The following TAF12 variants were observed in gnomAD, a reference collection of about 807,000 sequenced individuals.
TAF12 encodes the protein TATA-box binding protein associated factor 12, also known as transcription initiation factor TFIID subunit 12.
Under a neutral mutation model 20.8 loss-of-function variants are expected in TAF12, and 3 were observed. The ratio of observed to expected loss-of-function variants is 0.14; its 90% confidence interval spans 0.07 to 0.37. The LOEUF (loss-of-function observed/expected upper bound fraction) is 0.37, where lower values mean the gene tolerates loss of function less well. Among genes scored for constraint, TAF12 ranks in the 10% least tolerant of loss-of-function variants. The probability of loss-of-function intolerance (pLI) is 1.00; values close to 1 mark genes in which losing one functional copy is unlikely to be tolerated. For synonymous variants in TAF12, 69 were observed against 70.2 expected, an observed-to-expected ratio of 0.98 and a Z score of 0.09; for missense variants, 131 against 197.9, an observed-to-expected ratio of 0.66 and a Z score of 2.03.
chr1:28,646,858 C>T (rs1668203014), upstream of TAF12, among the ~76,000 whole-genome samples: 1 of 152,068 alleles, frequency 6.6e-6, no homozygotes. Context: ...GCCACCACAC[C>T]CGGCTAATTT....
At chr1:28,613,478 G>A in intron 3 of TAF12, 117 bp from the exon 4 acceptor site, 2 of 827,218 alleles carry the variant, frequency 2.4e-6, no homozygotes, top group Non-Finnish European at 3.7e-6. Context: ...GTAGAAGGCT[G>A]GAATCAGCAT....
chr1:28,613,504 G>A, intron 3 of TAF12, 143 bp from the exon 4 acceptor site: 1 of 657,066 alleles, frequency 1.5e-6, no homozygotes. Flanking sequence ...CTAAGGTGGG[G>A]AAGAGGAATG....
intron 1 of TAF12, among the ~76,000 whole-genome samples, chr1:28,626,228 C>G (rs1185095814): frequency 6.6e-6 from 1 of 151,158 alleles, no homozygotes; most frequent in African/African-American, 2.4e-5. Context: ...CCACCCGCCT[C>G]GGGCCTCCCA....
At chr1:28,615,603 C>CG (rs1667006661) in intron 3 of TAF12, among the ~76,000 whole-genome samples, 1 of 143,152 alleles carries the variant, frequency 7.0e-6, no homozygotes, top group Admixed American at 7.4e-5. Context: ...CACTTGAACC[C>CG]GGGAGGTGGA....
rs182215117 is a variant in TAF12, at chr1:28,641,257, G to A, written c.-85+1735C>T. Among the ~76,000 whole-genome samples, 562 of 152,054 alleles carry A rather than the reference G, an allele frequency of 3.7e-3. 5 individuals are homozygous for A. The highest frequency in any genetic ancestry group is 0.013 in the African/African-American group (535 of 41,474). On this transcript the variant is annotated intron_variant, in intron 1 of 5. Coordinates refer to ENST00000373824, the MANE Select transcript of TAF12 (RefSeq NM_005644.4). Reference sequence around the variant, plus strand: ...AGCACTTCGGGAGGCTGAGGCGGGCGGATCACTTGAGATCAGGAGTTCGAA... The same window carrying A: ...AGCACTTCGGGAGGCTGAGGCGGGCAGATCACTTGAGATCAGGAGTTCGAA...
At chr1:28,614,088 A>G (rs1666952325) in intron 3 of TAF12, among the ~76,000 whole-genome samples, 1 of 151,936 alleles carries the variant, frequency 6.6e-6, no homozygotes, top group Non-Finnish European at 1.5e-5. Context: ...AAATACAAAA[A>G]TTAGCTGGGC....
At chr1:28,625,592 A>T (rs1004127496) in intron 1 of TAF12, among the ~76,000 whole-genome samples, 7 of 139,476 alleles carry the variant, frequency 5.0e-5, no homozygotes, top group Admixed American at 3.1e-4. Flanking sequence ...CCCAGGTCGG[A>T]CTGCAGTGGC....
upstream of TAF12, among the ~76,000 whole-genome samples, chr1:28,643,756 G>A (rs1318728120): frequency 6.6e-6 from 1 of 152,130 alleles, no homozygotes; most frequent in Non-Finnish European, 1.5e-5. Flanking sequence ...TCGGCTGTCA[G>A]ATGCTTGGTG....
At chr1:28,630,003 A>T (rs1252926329) in intron 1 of TAF12, among the ~76,000 whole-genome samples, 1 of 152,128 alleles carries the variant, frequency 6.6e-6, no homozygotes, top group East Asian at 1.9e-4. Flanking sequence ...GCAGTGGTGC[A>T]ATCAGAGCTC....
chr1:28,644,047 T>C (rs2124399051), upstream of TAF12, among the ~76,000 whole-genome samples: 1 of 148,380 alleles, frequency 6.7e-6, no homozygotes, highest in Middle Eastern at 3.4e-3. Context: ...CGAGACTCTG[T>C]CTCAAAAAAA....
intron 1 of TAF12, among the ~76,000 whole-genome samples, chr1:28,642,288 C>G (rs550193893): frequency 9.8e-5 from 15 of 152,310 alleles, no homozygotes; most frequent in Admixed American, 2.0e-4. Context: ...TCCTTTATCT[C>G]TCTGGGTTCA....
intron 4 of TAF12, among the ~76,000 whole-genome samples, chr1:28,612,357 G>A (rs982720696): frequency 6.6e-6 from 1 of 151,538 alleles, no homozygotes; most frequent in African/African-American, 2.4e-5. Context: ...GGCTGAGGCA[G>A]GAGAATCGCT....
intron 5 of TAF12, 90 bp downstream of exon 5, chr1:28,605,282 G>A (rs2124289140): frequency 7.3e-7 from 1 of 1,361,856 alleles, no homozygotes; most frequent in South Asian, 1.2e-5. Context: ...AGGAAGCGAG[G>A]CCCCCTAGAA....
rs1396384724 is a variant in TAF12 at position 28,609,145 on chromosome 1, C to T, written c.362-3685G>A. 1.9e-4 allele frequency among the ~76,000 whole-genome samples: 27 copies of T among 143,948 alleles called. No homozygotes were observed. In the East Asian group the frequency reaches 2.4e-3, roughly 13 times the overall value. The allele number at this position is 143,948 out of a possible 152,430, so 94.4% of individuals were successfully genotyped here. On this transcript the variant is annotated intron_variant, in intron 4 of 5. Transcript: ENST00000373824. ...AGGCTGGAGTGCAATGGTGTGATCT[C>T]GGCTCACTGCAACCTCCGCCTCCTA...
At chr1:28,619,674 G>A (rs1342652763) in intron 2 of TAF12, among the ~76,000 whole-genome samples, 1 of 144,858 alleles carries the variant, frequency 6.9e-6, no homozygotes, top group Non-Finnish European at 1.5e-5. Flanking sequence ...AAAAAAGCCG[G>A]GTACGGTGGC....
chr1:28,610,943 G>C (rs1346105925), intron 4 of TAF12, among the ~76,000 whole-genome samples: 2 of 131,846 alleles, frequency 1.5e-5, no homozygotes, highest in Non-Finnish European at 3.1e-5. Context: ...CTGGGCAACA[G>C]AGTGAGACTG....
At chr1:28,634,436 A>C (rs937342326) in intron 1 of TAF12, among the ~76,000 whole-genome samples, 85 of 149,958 alleles carry the variant, frequency 5.7e-4, no homozygotes, top group Admixed American at 2.1e-3. Context: ...AAAAAAAAAA[A>C]CCCCACAAAA....
At chr1:28,644,963 C>G (rs184788287), upstream of TAF12, among the ~76,000 whole-genome samples, 2 of 152,262 alleles carry the variant, frequency 1.3e-5, no homozygotes, top group Non-Finnish European at 2.9e-5. Flanking sequence ...GTGGCACAAT[C>G]ATAGTTCACT....
chr1:28,625,588 T>C (rs1327698331), intron 1 of TAF12, among the ~76,000 whole-genome samples: 3 of 147,088 alleles, frequency 2.0e-5, no homozygotes, highest in Non-Finnish European at 3.0e-5. Flanking sequence ...TTCGCCCAGG[T>C]CGGACTGCAG....
Sources: gnomAD v4.1 joint callset for allele counts (sites outside exome capture counted in the v4.1 genomes callset) on GRCh38, gnomAD v4.1.1 for gene constraint, MANE v1.5 for transcripts, NCBI Gene and HGNC (gene_info 2026-07-23, HGNC 2026-07-21) for gene names.